UVRAG: variants seen among roughly 807,000 people sequenced by gnomAD.
UVRAG encodes the protein UV radiation resistance associated, also known as UV radiation resistance-associated gene protein.
UVRAG carries 19 observed loss-of-function variants against 78.0 expected under a neutral mutation model. The observed-to-expected ratio is 0.24, with a 90% confidence interval of 0.17 to 0.36. The LOEUF is 0.36. UVRAG is among the 10% of genes least tolerant of loss of function. The pLI is 1.00. For synonymous variants in UVRAG, 323 were observed against 324.6 expected (o/e 1.00, Z 0.05); for missense variants, 740 against 853.8 (o/e 0.87, Z 1.66).
chr11:75,937,075 A>T (rs1318248169), intron 6 of UVRAG, among the ~76,000 whole-genome samples: 1 of 152,196 alleles, frequency 6.6e-6, no homozygotes, highest in Non-Finnish European at 1.5e-5. Flanking sequence ...TTAAATAATA[A>T]GAAAAGTTTT....
At chr11:75,881,994 G>GTA (rs1946956079) in intron 4 of UVRAG, among the ~76,000 whole-genome samples, 1 of 152,076 alleles carries the variant, frequency 6.6e-6, no homozygotes, top group Non-Finnish European at 1.5e-5. Context: ...TACTGCACTG[G>GTA]TATATACATG....
At chr11:75,970,512 C>T (rs563067324) in intron 7 of UVRAG, among the ~76,000 whole-genome samples, 1 of 152,234 alleles carries the variant, frequency 6.6e-6, no homozygotes, top group South Asian at 2.1e-4. Flanking sequence ...GCAGGCGGAT[C>T]ATGAGGTTGG....
intron 14 of UVRAG, among the ~76,000 whole-genome samples, chr11:76,134,190 A>G (rs1952562266): frequency 6.8e-6 from 1 of 147,834 alleles, no homozygotes; most frequent in Non-Finnish European, 1.5e-5. Context: ...CGAACTCCTG[A>G]CCTCAGGTGA....
intron 8 of UVRAG, among the ~76,000 whole-genome samples, chr11:75,998,281 G>A (rs1370845974): frequency 2.0e-5 from 3 of 152,124 alleles, no homozygotes; most frequent in Non-Finnish European, 4.4e-5. Context: ...ATACTAATCA[G>A]TCTAATCACT....
At chr11:75,917,020 G>T (rs148542688) in intron 6 of UVRAG, among the ~76,000 whole-genome samples, 3 of 152,326 alleles carry the variant, frequency 2.0e-5, no homozygotes, top group Middle Eastern at 3.4e-3. Context: ...ACCTCTGGGT[G>T]CATGACTCCT....
intron 13 of UVRAG, among the ~76,000 whole-genome samples, chr11:76,096,106 A>G (rs894825314): frequency 6.6e-6 from 1 of 152,194 alleles, no homozygotes; most frequent in African/African-American, 2.4e-5. Context: ...CCCAGTCAGA[A>G]CCATGCAAGG....
intron 12 of UVRAG, among the ~76,000 whole-genome samples, chr11:76,057,301 G>A (rs760083390): frequency 4.6e-5 from 7 of 152,080 alleles, no homozygotes; most frequent in Non-Finnish European, 8.8e-5. Flanking sequence ...ACTTTAGCCC[G>A]AACCAATGGA....
chr11:75,841,648 A>C (rs530055514), intron 1 of UVRAG, among the ~76,000 whole-genome samples: 1 of 152,318 alleles, frequency 6.6e-6, no homozygotes, highest in East Asian at 1.9e-4. Context: ...ATTTGAACAC[A>C]ATTTTATGAC....
At chr11:76,088,495 C>A (rs1297636617) in intron 13 of UVRAG, among the ~76,000 whole-genome samples, 1 of 149,424 alleles carries the variant, frequency 6.7e-6, no homozygotes, top group Non-Finnish European at 1.5e-5. Flanking sequence ...CCCACCCGCG[C>A]CCCCTCCCCC....
At chr11:75,999,382 GTTTA>G (rs1949767575) in intron 8 of UVRAG, among the ~76,000 whole-genome samples, 1 of 150,598 alleles carries the variant, frequency 6.6e-6, no homozygotes, top group Admixed American at 6.6e-5. Flanking sequence ...TTTTTTGTTT[GTTTA>G]TTTGTTTGTT....
chr11:76,029,327 A>C (rs940914605), intron 12 of UVRAG, among the ~76,000 whole-genome samples: 5 of 151,654 alleles, frequency 3.3e-5, no homozygotes, highest in African/African-American at 9.7e-5. Flanking sequence ...TCCGCAACCC[A>C]TGGATGACTT....
At chr11:76,034,838 G>T (rs1453127038) in intron 12 of UVRAG, among the ~76,000 whole-genome samples, 7 of 152,132 alleles carry the variant, frequency 4.6e-5, no homozygotes, top group Non-Finnish European at 8.8e-5. Context: ...TAATATAAAT[G>T]ATGGCTCCCA....
chr11:75,952,382 A>G (rs1948719329), intron 6 of UVRAG, among the ~76,000 whole-genome samples: 1 of 151,200 alleles, frequency 6.6e-6, no homozygotes, highest in South Asian at 2.1e-4. Context: ...TTAGCTGTAG[A>G]TTTTTTTCTA....
chr11:75,840,800 T>C (rs1945891786), intron 1 of UVRAG, among the ~76,000 whole-genome samples: 3 of 152,268 alleles, frequency 2.0e-5, no homozygotes, highest in Non-Finnish European at 4.4e-5. Context: ...AGGCACTAGT[T>C]TTAAAGCATT....
chr11:75,827,739 T>C (rs1300711110), intron 1 of UVRAG, among the ~76,000 whole-genome samples: 3 of 152,236 alleles, frequency 2.0e-5, no homozygotes, highest in African/African-American at 7.2e-5. Flanking sequence ...TTCGGAACTG[T>C]ATGTCTTGTG....
rs1284134483 is a variant in UVRAG at position 76,092,360 on chromosome 11, G to A, written c.1306-23564G>A. Reference sequence around the variant, plus strand: ...TCCTTTGGGTATATACCCAGTAATAGGATGGCTGGGTCAAATGGTATTTCT... The same window carrying A: ...TCCTTTGGGTATATACCCAGTAATAAGATGGCTGGGTCAAATGGTATTTCT... On this transcript the variant is annotated intron_variant, in intron 13 of 14. Coordinates refer to ENST00000356136, the MANE Select transcript of UVRAG (RefSeq NM_003369.4). Among the ~76,000 whole-genome samples, 5 of 152,136 alleles carry A rather than the reference G, an allele frequency of 3.3e-5. No individual in the cohort carries two copies. In the East Asian group the frequency reaches 9.6e-4, roughly 29 times the overall value.
At chr11:75,882,543 T>TA (rs1039267247) in intron 4 of UVRAG, among the ~76,000 whole-genome samples, 4 of 151,916 alleles carry the variant, frequency 2.6e-5, no homozygotes, top group African/African-American at 7.2e-5. Flanking sequence ...TTTGAAAATC[T>TA]AAAAAAAACT....
chr11:75,826,322 A>AT (rs1340883894), intron 1 of UVRAG, among the ~76,000 whole-genome samples: 4 of 150,166 alleles, frequency 2.7e-5, no homozygotes, highest in Admixed American at 6.7e-5. Flanking sequence ...CACCCACCTA[A>AT]TTTTTTGTAT....
At chr11:75,859,009 G>A (rs1946355958) in intron 2 of UVRAG, among the ~76,000 whole-genome samples, 1 of 152,180 alleles carries the variant, frequency 6.6e-6, no homozygotes, top group African/African-American at 2.4e-5. Context: ...TTCCGTCTTA[G>A]CATGGCTACA....
Sources: gnomAD v4.1 joint callset for allele counts (sites outside exome capture counted in the v4.1 genomes callset) on GRCh38, gnomAD v4.1.1 for gene constraint, MANE v1.5 for transcripts, NCBI Gene and HGNC (gene_info 2026-07-23, HGNC 2026-07-21) for gene names.